Variants in PTPRQ observed in about 807,000 individuals in gnomAD.
PTPRQ encodes the protein protein tyrosine phosphatase receptor type Q.
Under a neutral mutation model 246.0 loss-of-function variants are expected in PTPRQ, and 199 were observed. That is an observed-to-expected ratio of 0.81 (90% confidence interval 0.72 to 0.91). The LOEUF (loss-of-function observed/expected upper bound fraction) is 0.91, where lower values mean the gene tolerates loss of function less well. PTPRQ is among the 40% of genes least tolerant of loss of function. The pLI is 0.00. For missense variants in PTPRQ, 2,624 were observed against 2,528.4 expected (o/e 1.04, Z -0.81); for synonymous variants, 869 against 853.2 (o/e 1.02, Z -0.32).
chr12:80,534,897 A>T lies in PTPRQ; in HGVS notation c.2845A>T (p.Ser949Cys). ...ISFQTPEGAP[S>C]DPPKDVYYAN... ...TTCAATTATTTGTTTTATAGCACCA[A>T]GCGATCCTCCCAAAGATGTTTATTA... Residue 949 changes from serine to cysteine, a missense_variant, in exon 19 of 45, where the codon AGC becomes TGC. Transcript: ENST00000644991. The T allele has an allele frequency of 6.5e-7, 1 of 1,548,534 alleles. No homozygotes were observed. The highest frequency in any genetic ancestry group is 8.7e-7 in the Non-Finnish European group (1 of 1,145,786).
intron 5 of PTPRQ, 61 bp from the exon 6 acceptor site, chr12:80,460,592 A>G (rs549016330): frequency 3.8e-4 from 151 of 398,052 alleles, no homozygotes; most frequent in Middle Eastern, 1.3e-3. Flanking sequence ...ACATGTTCTT[A>G]TTCTTATGTT....
chr12:80,510,307 T>C lies in PTPRQ; in HGVS notation c.2558-16T>C, dbSNP rs1270016413. The C allele has an allele frequency of 6.5e-7, 1 of 1,534,058 alleles. No individual in the cohort carries two copies. On this transcript the variant is annotated splice_polypyrimidine_tract_variant and intron_variant, in intron 16 of 44. Coordinates refer to ENST00000644991, the MANE Select transcript of PTPRQ (RefSeq NM_001145026.2). Reference sequence around the variant, plus strand: ...ATGTTTAATAAAACACATTATTCTATACCCTAACTTTACAGCTCCTGATTC... The same window carrying C: ...ATGTTTAATAAAACACATTATTCTACACCCTAACTTTACAGCTCCTGATTC...
chr12:80,613,721 GAGA>G lies in PTPRQ; in HGVS notation c.5052_5054del (p.Glu1684del). On this transcript the variant is annotated inframe_deletion, in exon 29 of 45. Coordinates refer to ENST00000644991, the MANE Select transcript of PTPRQ (RefSeq NM_001145026.2). ...CAAGTATATCAAGCTCTGGTTTACCGAGAAGATGATCCTACTGCTGTCCAGATT... is the reference window on the plus strand; with the variant it reads ...CAAGTATATCAAGCTCTGGTTTACCGAGATGATCCTACTGCTGTCCAGATT... 1 of 1,545,966 alleles carries G rather than the reference GAGA, an allele frequency of 6.5e-7. No individual in the cohort carries two copies. The highest frequency in any genetic ancestry group is 8.7e-7 in the Non-Finnish European group (1 of 1,143,198).
At chr12:80,625,276 G>A (rs2121147567) in intron 33 of PTPRQ, among the ~76,000 whole-genome samples, 1 of 152,208 alleles carries the variant, frequency 6.6e-6, no homozygotes, top group East Asian at 1.9e-4. Flanking sequence ...ATTTGCAGCA[G>A]GCTAGGGACT....
chr12:80,551,373 C>A (rs1263049632), intron 25 of PTPRQ, among the ~76,000 whole-genome samples: 1 of 152,136 alleles, frequency 6.6e-6, no homozygotes, highest in East Asian at 1.9e-4. Context: ...CCCTTCTCCA[C>A]CTTGGCCACC....
intron 28 of PTPRQ, among the ~76,000 whole-genome samples, chr12:80,612,532 C>T (rs1332724353): frequency 6.7e-6 from 1 of 150,198 alleles, no homozygotes; most frequent in African/African-American, 2.4e-5. Context: ...GCGATGATAC[C>T]CAATGCTGGC....
intron 35 of PTPRQ, among the ~76,000 whole-genome samples, chr12:80,643,906 A>C (rs1899980193): frequency 6.6e-6 from 1 of 152,228 alleles, no homozygotes; most frequent in South Asian, 2.1e-4. Context: ...ATACAAATAC[A>C]TATTTTTACA....
At chr12:80,459,086 C>A (rs1373383006) in intron 4 of PTPRQ, among the ~76,000 whole-genome samples, 198 bp from the exon 5 acceptor site, 1 of 151,864 alleles carries the variant, frequency 6.6e-6, no homozygotes, top group African/African-American at 2.4e-5. Context: ...GCCCAGTTAT[C>A]CTAAAGTAAA....
At chr12:80,612,754 A>T (rs1254252000) in intron 28 of PTPRQ, among the ~76,000 whole-genome samples, 1 of 150,538 alleles carries the variant, frequency 6.6e-6, no homozygotes, top group Non-Finnish European at 1.5e-5. Flanking sequence ...CAGTTTTATT[A>T]GTAATAATGA....
Position 80,478,658 on chromosome 12 carries a change from A to C in PTPRQ, c.1187-5775A>C, listed in dbSNP as rs190457320. On this transcript the variant is annotated intron_variant, in intron 8 of 44. Coordinates refer to ENST00000644991, the MANE Select transcript of PTPRQ (RefSeq NM_001145026.2). ...ATTTAGAAGAATGTATAACTAGAAT[A>C]ACCAATACAGAGAAGTGCTTAAAGG... 1.1e-3 allele frequency among the ~76,000 whole-genome samples: 170 copies of C among 152,282 alleles called. 3 individuals carry two copies. The East Asian group carries it at 0.028, about 25-fold the overall frequency.
intron 35 of PTPRQ, among the ~76,000 whole-genome samples, chr12:80,638,680 A>C (rs1435547040): frequency 6.6e-6 from 1 of 152,166 alleles, no homozygotes; most frequent in African/African-American, 2.4e-5. Flanking sequence ...AAAACTTTTG[A>C]AAATGCCTTC....
chr12:80,644,256 C>T (rs1899990246), intron 35 of PTPRQ, among the ~76,000 whole-genome samples: 1 of 152,098 alleles, frequency 6.6e-6, no homozygotes, highest in South Asian at 2.1e-4. Context: ...AAATAAGACA[C>T]TTTTCAACCA....
At chr12:80,565,671 C>A (rs1220559574) in intron 25 of PTPRQ, among the ~76,000 whole-genome samples, 1 of 152,062 alleles carries the variant, frequency 6.6e-6, no homozygotes, top group African/African-American at 2.4e-5. Context: ...TGTAAACATT[C>A]AGAAATGTAG....
chr12:80,580,596 T>C (rs1897402893), intron 25 of PTPRQ, among the ~76,000 whole-genome samples: 1 of 152,196 alleles, frequency 6.6e-6, no homozygotes, highest in Admixed American at 6.5e-5. Context: ...TTACTGCTGG[T>C]CACTTATGAA....
At chr12:80,494,229 C>CA (rs988294623) in intron 10 of PTPRQ, among the ~76,000 whole-genome samples, 1 of 151,972 alleles carries the variant, frequency 6.6e-6, no homozygotes. Context: ...TTAAGAGTCC[C>CA]ATGATTTCTG....
At chr12:80,585,643 A>G (rs895089375) in intron 25 of PTPRQ, among the ~76,000 whole-genome samples, 4 of 151,906 alleles carry the variant, frequency 2.6e-5, no homozygotes, top group Non-Finnish European at 4.4e-5. Flanking sequence ...CTCCAACTAT[A>G]CAGTTTCCTC....
intron 17 of PTPRQ, among the ~76,000 whole-genome samples, chr12:80,529,087 T>C (rs1895772300): frequency 6.6e-6 from 1 of 152,178 alleles, no homozygotes. Flanking sequence ...CCTTGCTAGT[T>C]TGGGATTATT....
chr12:80,549,873 C>A, intron 25 of PTPRQ, 139 bp downstream of exon 25: 2 of 1,219,468 alleles, frequency 1.6e-6, no homozygotes, highest in East Asian at 5.2e-5. Context: ...GCTTTTTATC[C>A]CACGTGTTGC....
At chr12:80,514,405 C>CTCTCTT (rs1895222040) in intron 17 of PTPRQ, among the ~76,000 whole-genome samples, 1 of 149,252 alleles carries the variant, frequency 6.7e-6, no homozygotes, top group Non-Finnish European at 1.5e-5. Context: ...CACACACACT[C>CTCTCTT]TCTCTCTCTC....
Sources: gnomAD v4.1 joint callset for allele counts (sites outside exome capture counted in the v4.1 genomes callset) on GRCh38, gnomAD v4.1.1 for gene constraint, MANE v1.5 for transcripts, NCBI Gene and HGNC (gene_info 2026-07-23, HGNC 2026-07-21) for gene names.